PFDN4: variants seen among roughly 807,000 people sequenced by gnomAD.
PFDN4 encodes the protein prefoldin 4.
In PFDN4, 6 loss-of-function variants were observed where a neutral mutation model predicts 17.6. The ratio of observed to expected loss-of-function variants is 0.34; its 90% CI spans 0.19 to 0.67. The LOEUF (loss-of-function observed/expected upper bound fraction) is 0.67. Ranked by LOEUF, PFDN4 falls within the 30% of genes least tolerant of loss-of-function variation. PFDN4 has a pLI of 0.68. For synonymous variants in PFDN4, 48 were observed against 51.1 expected, an observed-to-expected ratio of 0.94 and a Z score of 0.26; for missense variants, 119 against 158.4, an observed-to-expected ratio of 0.75 and a Z score of 1.33.
At chr20:54,215,123 A>G (rs957106680) in intron 2 of PFDN4, among the ~76,000 whole-genome samples, 177 bp from the exon 3 acceptor site, 2 of 152,362 alleles carry the variant, frequency 1.3e-5, no homozygotes, top group East Asian at 3.9e-4. Flanking sequence ...AGGTAGCTCT[A>G]AGTGCTTGCT....
rs757752582 is a variant in PFDN4, at chr20:54,209,461, G to A, written c.24+1337G>A. 4.0e-3 allele frequency among the ~76,000 whole-genome samples: 615 copies of A among 152,332 alleles called. 8 individuals carry two copies. The highest frequency in any genetic ancestry group is 5.9e-3 in the Non-Finnish European group (399 of 68,026). ...GGGAAAGCCCCAGCCAACTCAGGAT[G>A]TGTTGCTCACCCTACTATTCTGCCA... On this transcript the variant is annotated intron_variant, in intron 1 of 3. Transcript: ENST00000371419.
intron 1 of PFDN4, chr20:54,208,326 G>A (rs749762338): frequency 4.4e-6 from 2 of 458,014 alleles, no homozygotes; most frequent in Non-Finnish European, 7.5e-6. Flanking sequence ...CTGGCCAGCC[G>A]AGGCGGGGCG....
At chr20:54,218,389 G>A (rs889041844) in intron 3 of PFDN4, among the ~76,000 whole-genome samples, 3 of 151,552 alleles carry the variant, frequency 2.0e-5, no homozygotes, top group African/African-American at 4.9e-5. Context: ...GGTGTAAAAC[G>A]GGATGTTATA....
intron 1 of PFDN4, among the ~76,000 whole-genome samples, chr20:54,213,787 A>C (rs1402388911): frequency 3.9e-5 from 6 of 152,202 alleles, no homozygotes; most frequent in Non-Finnish European, 7.4e-5. Context: ...TTTAAATACT[A>C]AACATTCAAT....
intron 1 of PFDN4, chr20:54,208,946 G>C (rs1413567098): frequency 6.6e-6 from 1 of 152,180 alleles, no homozygotes; most frequent in Admixed American, 6.5e-5. Context: ...AAGCACGCCT[G>C]TGTAACCACT....
chr20:54,216,070 A>G (rs577243813), intron 3 of PFDN4, among the ~76,000 whole-genome samples: 6 of 152,338 alleles, frequency 3.9e-5, no homozygotes, highest in Non-Finnish European at 5.9e-5. Context: ...TTTGTTTCCA[A>G]TATTTTGCTG....
intron 1 of PFDN4, among the ~76,000 whole-genome samples, chr20:54,211,100 CAAAG>C (rs1489285783): frequency 1.3e-5 from 2 of 152,098 alleles, no homozygotes; most frequent in African/African-American, 2.4e-5. Flanking sequence ...AAAAAACAAA[CAAAG>C]AAGGTTGAAT....
At chr20:54,208,508 C>T (rs1270375570) in intron 1 of PFDN4, 7 of 218,770 alleles carry the variant, frequency 3.2e-5, no homozygotes, top group Non-Finnish European at 6.3e-5. Flanking sequence ...CCGGCATGAT[C>T]GCATTAGCCT....
At position 54,215,367 on chromosome 20, in the gene PFDN4, T is replaced by C; in HGVS notation, c.200T>C (p.Ile67Thr). 1 of 1,605,422 alleles carries C rather than the reference T, an allele frequency of 6.2e-7. No individual in the cohort carries two copies. The highest frequency in any genetic ancestry group is 8.5e-7 in the Non-Finnish European group (1 of 1,173,686). ...CTTGCAGATGATGATTGCTTAATGA[T>C]ACCTTATCAAATTGGTGATGTCTTC... ...IMLADDDCLM[I>T]PYQIGDVFIS... Residue 67 changes from isoleucine to threonine, a missense_variant, in exon 3 of 4, where the codon ATA becomes ACA. By Grantham distance (89) the Ile-to-Thr change is moderately conservative. Around this residue, in one of 3 missense-constraint regions of PFDN4, gnomAD observed 81 missense variants for 111.7 expected, o/e 0.73. Coordinates refer to ENST00000371419, the MANE Select transcript of PFDN4 (RefSeq NM_002623.4).
In PFDN4 at chr20:54,219,522, G is replaced by A. The variant is rs2092766972; in HGVS notation, c.*372G>A. The A allele has an allele frequency of 5.1e-6, 2 of 389,892 alleles. No homozygotes were observed. The highest frequency in any genetic ancestry group is 8.9e-5 in the Admixed American group (2 of 22,552). The allele number at this position is 389,892 out of a possible 1,614,324, so 24.2% of individuals were successfully genotyped here. A position where few individuals can be genotyped will look rare whatever the true frequency, so the allele number is the denominator to read the frequency against. On this transcript the variant is annotated 3_prime_UTR_variant, in exon 4 of 4. Coordinates refer to ENST00000371419, the MANE Select transcript of PFDN4 (RefSeq NM_002623.4). ...CTGATTTTAATTGCTGTCTAATGAC[G>A]GGGAAAGCACGATGAAAAGATGTAC...
chr20:54,209,756 A>G (rs969828807), intron 1 of PFDN4, among the ~76,000 whole-genome samples: 3 of 152,188 alleles, frequency 2.0e-5, no homozygotes, highest in Non-Finnish European at 4.4e-5. Flanking sequence ...AAAATTTCTA[A>G]TTACCAACTT....
In PFDN4 at chr20:54,217,149, T is replaced by C. The variant is rs186549470; in HGVS notation, c.273+1709T>C. On this transcript the variant is annotated intron_variant, in intron 3 of 3. Transcript: ENST00000371419. Reference sequence around the variant, plus strand: ...AACTGATAATGAGTAGAAAGTGATATGAGGATAGAGGTGGCTTTAAGAACA... The same window carrying C: ...AACTGATAATGAGTAGAAAGTGATACGAGGATAGAGGTGGCTTTAAGAACA... Among the ~76,000 whole-genome samples, 922 of 152,020 alleles carry C rather than the reference T, an allele frequency of 6.1e-3. 7 individuals are homozygous for C. The highest frequency in any genetic ancestry group is 9.0e-3 in the Admixed American group (137 of 15,278).
At chr20:54,214,801 C>T (rs1475264167) in intron 2 of PFDN4, among the ~76,000 whole-genome samples, 1 of 152,194 alleles carries the variant, frequency 6.6e-6, no homozygotes, top group Non-Finnish European at 1.5e-5. Flanking sequence ...GCTGCCAGTG[C>T]CACCTACCCC....
intron 1 of PFDN4, among the ~76,000 whole-genome samples, chr20:54,213,954 A>C (rs555718820): frequency 6.6e-6 from 1 of 152,150 alleles, no homozygotes; most frequent in African/African-American, 2.4e-5. Context: ...AGAAAAAAAA[A>C]ACACTACTCT....
At position 54,219,363 on chromosome 20, in the gene PFDN4, T is replaced by C. The variant is rs1437885910; in HGVS notation, c.*213T>C. 1 of 413,840 alleles carries C rather than the reference T, an allele frequency of 2.4e-6. No individual in the cohort carries two copies. The highest frequency in any genetic ancestry group is 3.9e-5 in the East Asian group (1 of 25,734). 25.6% of individuals were successfully genotyped at this position (413,840 alleles called of 1,614,324 possible). A position where few individuals can be genotyped will look rare whatever the true frequency, so the allele number is the denominator to read the frequency against. ...ACCTATGTATTTTGCATAACGATTA[T>C]ATCAAGTCTAGGGGCTTCATGTCAT... On this transcript the variant is annotated 3_prime_UTR_variant, in exon 4 of 4. Transcript: ENST00000371419.
chr20:54,215,466 T>C, intron 3 of PFDN4, 26 bp downstream of exon 3: 1 of 1,436,550 alleles, frequency 7.0e-7, no homozygotes, highest in Non-Finnish European at 9.7e-7. Flanking sequence ...ATTCTGAAAT[T>C]AGAATTTATA....
intron 1 of PFDN4, among the ~76,000 whole-genome samples, chr20:54,210,209 A>G (rs886233072): frequency 5.9e-5 from 9 of 152,184 alleles, no homozygotes; most frequent in African/African-American, 2.2e-4. Context: ...CCATGATGGG[A>G]AAAGAACTTA....
At chr20:54,214,483 A>G in intron 2 of PFDN4, 25 bp downstream of exon 2, 2 of 1,171,258 alleles carry the variant, frequency 1.7e-6, no homozygotes, top group Non-Finnish European at 2.4e-6. Context: ...TATTAGAAGA[A>G]TAAAATTTTT....
chr20:54,215,064 G>C (rs1277437514), intron 2 of PFDN4, among the ~76,000 whole-genome samples: 2 of 152,206 alleles, frequency 1.3e-5, no homozygotes, highest in Non-Finnish European at 2.9e-5. Context: ...GAGTGACCAT[G>C]TGCCTGCTGT....
Sources: gnomAD v4.1 joint callset for allele counts (sites outside exome capture counted in the v4.1 genomes callset) on GRCh38, gnomAD v4.1.1 for gene constraint, gnomAD v4.1.1 regional missense constraint, MANE v1.5 for transcripts, NCBI Gene and HGNC (gene_info 2026-07-23, HGNC 2026-07-21) for gene names.